ZNF521: variants seen among roughly 807,000 people sequenced by gnomAD.
ZNF521 encodes LYST-interacting protein 3.
Under a neutral mutation model 105.5 loss-of-function variants are expected in ZNF521, and 14 were observed. The observed-to-expected ratio is 0.13, with a 90% CI of 0.09 to 0.21. The LOEUF (loss-of-function observed/expected upper bound fraction) is 0.21. Among genes scored for constraint, ZNF521 ranks in the 10% least tolerant of loss-of-function variants. The pLI, the probability that ZNF521 is intolerant of heterozygous loss-of-function variation, is 1.00. For synonymous variants in ZNF521, 635 were observed against 606.0 expected (o/e 1.05, Z -0.70); for missense variants, 1,233 against 1,629.7 (o/e 0.76, Z 4.19).
intron 7 of ZNF521, among the ~76,000 whole-genome samples, chr18:25,088,351 G>A (rs2033671109): frequency 6.6e-6 from 1 of 151,686 alleles, no homozygotes; most frequent in Non-Finnish European, 1.5e-5. Context: ...AAGTAGCTGG[G>A]ACTACAGCCG....
chr18:25,210,586 A>G (rs2036162452), intron 4 of ZNF521, among the ~76,000 whole-genome samples: 1 of 152,196 alleles, frequency 6.6e-6, no homozygotes, highest in South Asian at 2.1e-4. Flanking sequence ...CTAATGTTCT[A>G]TTCATGTGTG....
rs1419145421 is a variant in ZNF521 at position 25,155,940 on chromosome 18, AAC to A, written c.3658+39218_3658+39219del. 3.3e-5 allele frequency among the ~76,000 whole-genome samples: 5 copies of A among 152,318 alleles called. No individual in the cohort carries two copies. In the East Asian group the frequency reaches 9.7e-4, roughly 29 times the overall value. ...GTAATCTTAATAAAAGGTTAAATAAAACATATAGAGAATAAAACAGTGGGAAA... is the reference window on the plus strand; with the variant it reads ...GTAATCTTAATAAAAGGTTAAATAAAATATAGAGAATAAAACAGTGGGAAA... On this transcript the variant is annotated intron_variant, in intron 5 of 7. Coordinates refer to ENST00000361524, the MANE Select transcript of ZNF521 (RefSeq NM_015461.3).
intron 5 of ZNF521, among the ~76,000 whole-genome samples, chr18:25,183,507 C>T (rs1239549563): frequency 6.6e-6 from 1 of 152,188 alleles, no homozygotes; most frequent in African/African-American, 2.4e-5. Flanking sequence ...CGTTACCCTA[C>T]ACTTCATTTA....
chr18:25,187,424 GTT>G lies in ZNF521; in HGVS notation c.3658+7734_3658+7735del, dbSNP rs200409869. Among the ~76,000 whole-genome samples, 30 of 146,096 alleles carry G rather than the reference GTT, an allele frequency of 2.1e-4. 1 individual carries two copies. The highest frequency in any genetic ancestry group is 8.6e-4 in the South Asian group (4 of 4,630). ...GTAAGAAAACGCTTGTTACCTCAGAGTTTTTTTTTTTTAATTCTGTTGTTTGT... is the reference window on the plus strand; with the variant it reads ...GTAAGAAAACGCTTGTTACCTCAGAGTTTTTTTTTTAATTCTGTTGTTTGT... On this transcript the variant is annotated intron_variant, in intron 5 of 7. Transcript: ENST00000361524.
intron 4 of ZNF521, among the ~76,000 whole-genome samples, chr18:25,215,433 C>T (rs1412099506): frequency 6.6e-6 from 1 of 151,782 alleles, no homozygotes; most frequent in Non-Finnish European, 1.5e-5. Flanking sequence ...ATAGCTTTCA[C>T]TTTTCTTTCA....
chr18:25,180,366 A>G (rs2035611219), intron 5 of ZNF521, among the ~76,000 whole-genome samples: 1 of 152,186 alleles, frequency 6.6e-6, no homozygotes, highest in Non-Finnish European at 1.5e-5. Context: ...CAGCATAACA[A>G]TGCAGTGGTT....
intron 5 of ZNF521, among the ~76,000 whole-genome samples, chr18:25,140,821 T>C (rs1367760067): frequency 6.6e-6 from 1 of 152,168 alleles, no homozygotes; most frequent in African/African-American, 2.4e-5. Flanking sequence ...ACTGTGATGA[T>C]GCCAAGATTA....
chr18:25,156,315 C>T (rs2035143636), intron 5 of ZNF521, among the ~76,000 whole-genome samples: 1 of 152,202 alleles, frequency 6.6e-6, no homozygotes, highest in South Asian at 2.1e-4. Flanking sequence ...CAGTTCCCAT[C>T]AGCATCCATT....
intron 5 of ZNF521, among the ~76,000 whole-genome samples, chr18:25,167,347 G>A (rs1302123075): frequency 6.6e-6 from 1 of 152,156 alleles, no homozygotes; most frequent in Non-Finnish European, 1.5e-5. Flanking sequence ...ACAGTAATAG[G>A]CTGAATTTTT....
At chr18:25,112,777 T>C (rs1268983935) in intron 5 of ZNF521, among the ~76,000 whole-genome samples, 1 of 152,182 alleles carries the variant, frequency 6.6e-6, no homozygotes, top group African/African-American at 2.4e-5. Flanking sequence ...TGGTTGCACT[T>C]CTTTCACCAT....
intron 3 of ZNF521, among the ~76,000 whole-genome samples, chr18:25,232,114 G>A (rs1002682353): frequency 1.3e-5 from 2 of 152,196 alleles, no homozygotes; most frequent in African/African-American, 4.8e-5. Flanking sequence ...TACTTTTCAA[G>A]TGAGGAGAAG....
At chr18:25,292,787 G>T (rs983320517) in intron 3 of ZNF521, among the ~76,000 whole-genome samples, 2 of 152,170 alleles carry the variant, frequency 1.3e-5, no homozygotes, top group Admixed American at 1.3e-4. Context: ...GAGATGAGGG[G>T]ATTATTTACT....
chr18:25,305,263 C>T (rs1911911297), intron 3 of ZNF521, among the ~76,000 whole-genome samples: 2 of 152,140 alleles, frequency 1.3e-5, no homozygotes, highest in African/African-American at 2.4e-5. Flanking sequence ...TTTCATTGTA[C>T]TAAACTCAGA....
At chr18:25,298,559 G>A (rs943139067) in intron 3 of ZNF521, among the ~76,000 whole-genome samples, 2 of 151,950 alleles carry the variant, frequency 1.3e-5, no homozygotes, top group African/African-American at 2.4e-5. Context: ...ACTTTTGTTC[G>A]CCCTTAAGAA....
In ZNF521 at chr18:25,135,279, C is replaced by CGTGTGTGTGTGT. The variant is rs35980671; in HGVS notation, c.3659-43210_3659-43199dup. ...ACACATACATACATGTATATGTATA[C>CGTGTGTGTGTGT]GTGTGTGTGTGTGTGTGTGTGTGTG... On this transcript the variant is annotated intron_variant, in intron 5 of 7. Coordinates refer to ENST00000361524, the MANE Select transcript of ZNF521 (RefSeq NM_015461.3). Among the ~76,000 whole-genome samples, 949 of 146,202 alleles carry CGTGTGTGTGTGT rather than the reference C, an allele frequency of 6.5e-3. 16 individuals carry two copies. Among genetic ancestry groups the CGTGTGTGTGTGT allele is most frequent in the African/African-American group, 0.023 (907 of 39,600 alleles).
At chr18:25,245,586 C>T (rs1021452034) in intron 3 of ZNF521, among the ~76,000 whole-genome samples, 2 of 152,186 alleles carry the variant, frequency 1.3e-5, no homozygotes, top group Admixed American at 6.5e-5. Flanking sequence ...CATTATTTTA[C>T]CCATTTGTTC....
At chr18:25,234,266 A>C (rs1906729054) in intron 3 of ZNF521, among the ~76,000 whole-genome samples, 1 of 152,204 alleles carries the variant, frequency 6.6e-6, no homozygotes, top group South Asian at 2.1e-4. Context: ...TAAACCGTTT[A>C]ACATGTTGAT....
chr18:25,182,152 A>C (rs895993050), intron 5 of ZNF521, among the ~76,000 whole-genome samples: 1 of 152,132 alleles, frequency 6.6e-6, no homozygotes, highest in African/African-American at 2.4e-5. Context: ...AAAAATTGCA[A>C]AACTTCAGCT....
chr18:25,344,778 T>C (rs1271939362), intron 2 of ZNF521, among the ~76,000 whole-genome samples: 1 of 152,210 alleles, frequency 6.6e-6, no homozygotes, highest in Non-Finnish European at 1.5e-5. Context: ...CTGCAAGTCT[T>C]AAAATCACTT....
Sources: allele counts gnomAD v4.1 joint callset (sites outside exome capture counted in the v4.1 genomes callset), GRCh38; gene constraint gnomAD v4.1.1; transcripts MANE v1.5; gene names NCBI Gene and HGNC (gene_info 2026-07-23, HGNC 2026-07-21).